The following KANSL3 variants were observed in gnomAD, a reference collection of about 807,000 sequenced individuals.
The protein encoded by KANSL3 is NSL complex protein NSL3.
KANSL3 carries 16 observed loss-of-function variants against 89.2 expected under a neutral mutation model. The ratio of observed to expected loss-of-function variants is 0.18; its 90% CI spans 0.12 to 0.27. The LOEUF (loss-of-function observed/expected upper bound fraction) is 0.27, where lower values mean the gene tolerates loss of function less well. Among genes scored for constraint, KANSL3 ranks in the 10% least tolerant of loss-of-function variants. KANSL3 has a pLI of 1.00. For synonymous variants in KANSL3, 385 were observed against 419.7 expected, an observed-to-expected ratio of 0.92 and a Z score of 1.01; for missense variants, 879 against 1,110.6, an observed-to-expected ratio of 0.79 and a Z score of 2.96.
the KANSL3 span, among the ~76,000 whole-genome samples, chr2:96,581,337 T>C: frequency 6.6e-6 from 1 of 151,698 alleles, no homozygotes; most frequent in Admixed American, 6.6e-5. Flanking sequence ...GGCAGGAGAA[T>C]CGCTTGAACC....
Position 96,631,462 on chromosome 2 carries a change from T to C in KANSL3, c.236A>G (p.Asp79Gly). Residue 79 changes from aspartate to glycine, a missense_variant, in exon 3 of 21, where the codon GAT becomes GGT. Around this residue, in one of 6 missense-constraint regions of KANSL3, gnomAD observed 210 missense variants for 311.9 expected, o/e 0.67. Coordinates refer to ENST00000431828, the MANE Select transcript of KANSL3 (RefSeq NM_001115016.3). Reference protein sequence around the residue: ...ESTIESDVPIDVETVTSTPMP... With the variant: ...ESTIESDVPIGVETVTSTPMP... ...AGGCGTTGATGTGACCGTCTCCACA[T>C]CTATTGGGACGTCTGATTCACTGTA... is the stretch of plus-strand genomic sequence containing the variant. 1 of 1,575,746 alleles carries C rather than the reference T, an allele frequency of 6.3e-7. No homozygotes were observed. Among genetic ancestry groups the C allele is most frequent in the Non-Finnish European group, 8.6e-7 (1 of 1,159,802 alleles).
Position 96,637,071 on chromosome 2 carries a change from A to T in KANSL3, c.65T>A (p.Leu22His). Reference protein sequence around the residue: ...TSARRMGTSLLFQLSVHEREL... With the variant: ...TSARRMGTSLHFQLSVHEREL... ...CCGTTCATGCACTGAAAGCTGGAAGAGCAGCGAGGTGCCCATGCGTCGAGC... is the reference window on the plus strand; with the variant it reads ...CCGTTCATGCACTGAAAGCTGGAAGTGCAGCGAGGTGCCCATGCGTCGAGC... The change falls in exon 2 of 21, where the codon CTC becomes CAC. Residue 22 changes from leucine (L) to histidine (H), a missense_variant. By Grantham distance (99) the Leu-to-His change is moderately conservative (BLOSUM62 -3). Around this residue, in one of 6 missense-constraint regions of KANSL3, gnomAD observed 210 missense variants for 311.9 expected, o/e 0.67. Transcript: ENST00000431828. The T allele has an allele frequency of 6.4e-7, 1 of 1,551,720 alleles. No individual in the cohort carries two copies. The highest frequency in any genetic ancestry group is 8.7e-7 in the Non-Finnish European group (1 of 1,147,002).
intron 14 of KANSL3, 130 bp from the exon 15 acceptor site, chr2:96,605,641 C>T: frequency 4.1e-6 from 3 of 734,908 alleles, no homozygotes; most frequent in South Asian, 1.8e-5. Context: ...ACGTACAGGG[C>T]CACCCCTCAA....
At chr2:96,600,764 T>A (rs1435025945) in intron 20 of KANSL3, 55 of 985,324 alleles carry the variant, frequency 5.6e-5, no homozygotes, top group Non-Finnish European at 6.5e-5. Flanking sequence ...GGAAATTAGA[T>A]CAGCTAAGAG....
At chr2:96,582,638 T>C in the KANSL3 span, among the ~76,000 whole-genome samples, 1 of 152,354 alleles carries the variant, frequency 6.6e-6, no homozygotes, top group South Asian at 2.1e-4. Context: ...CTAATTCCAA[T>C]GTCTGCATCA....
intron 3 of KANSL3, among the ~76,000 whole-genome samples, chr2:96,622,049 G>A (rs570394627): frequency 5.3e-5 from 8 of 152,172 alleles, no homozygotes; most frequent in African/African-American, 1.9e-4. Context: ...GGGAGGCGGA[G>A]GTTGCAGTGA....
chr2:96,635,156 C>A (rs1225257576), intron 2 of KANSL3, among the ~76,000 whole-genome samples: 4 of 152,196 alleles, frequency 2.6e-5, no homozygotes, highest in Non-Finnish European at 5.9e-5. Flanking sequence ...ATATACTCAA[C>A]AAAAAATCCA....
At chr2:96,587,489 A>G in the KANSL3 span, among the ~76,000 whole-genome samples, 1 of 152,148 alleles carries the variant, frequency 6.6e-6, no homozygotes, top group African/African-American at 2.4e-5. Flanking sequence ...GGGATCCTAG[A>G]CTTCCACCCC....
chr2:96,583,837 G>A, the KANSL3 span, among the ~76,000 whole-genome samples: 1 of 152,174 alleles, frequency 6.6e-6, no homozygotes, highest in African/African-American at 2.4e-5. Context: ...ACTACCACCA[G>A]CAATGTCTAA....
the KANSL3 span, among the ~76,000 whole-genome samples, chr2:96,587,070 C>T: frequency 6.6e-6 from 1 of 152,248 alleles, no homozygotes; most frequent in Non-Finnish European, 1.5e-5. Context: ...TATATGTTGT[C>T]CACTGTTGCC....
chr2:96,581,589 A>C, the KANSL3 span, among the ~76,000 whole-genome samples: 1 of 152,092 alleles, frequency 6.6e-6, no homozygotes, highest in Non-Finnish European at 1.5e-5. Flanking sequence ...CCCTTACCCC[A>C]TCCTCATATT....
intron 19 of KANSL3, 82 bp downstream of exon 19, chr2:96,602,034 T>C (rs2105037668): frequency 1.5e-6 from 2 of 1,362,984 alleles, no homozygotes; most frequent in Non-Finnish European, 2.0e-6. Context: ...TTCAACATCA[T>C]ACCTTGCCCA....
At chr2:96,600,628 G>A (rs1016762944) in intron 20 of KANSL3, 23 of 985,350 alleles carry the variant, frequency 2.3e-5, no homozygotes, top group Middle Eastern at 5.2e-4. Context: ...GCTGTATAGC[G>A]GATACTGAAG....
chr2:96,637,341 A>C, intron 1 of KANSL3, 156 bp from the exon 2 acceptor site: 1 of 483,658 alleles, frequency 2.1e-6, no homozygotes, highest in Non-Finnish European at 3.6e-6. Context: ...GGAATCCCAC[A>C]CCAACACCAA....
At chr2:96,631,149 GCTCAC>G (rs774880676) in intron 3 of KANSL3, among the ~76,000 whole-genome samples, 158 bp downstream of exon 3, 2 of 152,212 alleles carry the variant, frequency 1.3e-5, no homozygotes, top group Non-Finnish European at 2.9e-5. Flanking sequence ...CTCTCAAGGA[GCTCAC>G]ACACAGCATG....
intron 5 of KANSL3, among the ~76,000 whole-genome samples, chr2:96,614,094 AATTT>A (rs1467931772): frequency 6.6e-6 from 1 of 152,132 alleles, no homozygotes; most frequent in African/African-American, 2.4e-5. Context: ...TATTTACAAG[AATTT>A]ATTTATTTAT....
At chr2:96,611,523 C>T (rs576850921) in intron 9 of KANSL3, among the ~76,000 whole-genome samples, 15 of 152,258 alleles carry the variant, frequency 9.9e-5, no homozygotes, top group Non-Finnish European at 2.9e-5. Flanking sequence ...AAAATTCTCT[C>T]TATTGAACTT....
chr2:96,613,080 T>C lies in KANSL3; in HGVS notation c.796-146A>G, dbSNP rs564112383. On this transcript the variant is annotated intron_variant, in intron 6 of 20. Transcript: ENST00000431828. ...AGCACTATGTAAAATAAATTATTAA[T>C]AATAGTTAAAGAAGCTGGCCAGTCA... The C allele has an allele frequency of 1.7e-5, 11 of 629,692 alleles. No individual in the cohort carries two copies. In the African/African-American group the frequency reaches 2.0e-4, roughly 12 times the overall value. The allele number at this position is 629,692 out of a possible 1,614,324, so 39.0% of individuals were successfully genotyped here.
chr2:96,589,211 A>G (rs1386163719), downstream of KANSL3, among the ~76,000 whole-genome samples: 1 of 152,242 alleles, frequency 6.6e-6, no homozygotes, highest in African/African-American at 2.4e-5. Context: ...AAGGCCTAAC[A>G]TTACCTATAA....
Sources: gnomAD v4.1 joint callset for allele counts (sites outside exome capture counted in the v4.1 genomes callset) on GRCh38, gnomAD v4.1.1 for gene constraint, gnomAD v4.1.1 regional missense constraint, MANE v1.5 for transcripts, NCBI Gene and HGNC (gene_info 2026-07-23, HGNC 2026-07-21) for gene names.